The following PPP3CA variants were observed in gnomAD, a reference collection of about 807,000 sequenced individuals.
PPP3CA encodes CAM-PRP catalytic subunit.
Under a neutral mutation model 66.5 loss-of-function variants are expected in PPP3CA, and 14 were observed. That is an observed-to-expected ratio of 0.21 (90% CI 0.14 to 0.33). The LOEUF is 0.33. Among genes scored for constraint, PPP3CA ranks in the 10% least tolerant of loss-of-function variants. The pLI, the probability that PPP3CA is intolerant of heterozygous loss-of-function variation, is 1.00. For synonymous variants in PPP3CA, 232 were observed against 226.2 expected, an observed-to-expected ratio of 1.03 and a Z score of -0.23; for missense variants, 317 against 639.5, an observed-to-expected ratio of 0.50 and a Z score of 5.44.
chr4:101,063,148 G>T (rs1232437745), intron 9 of PPP3CA, 84 bp downstream of exon 9: 1 of 1,476,796 alleles, frequency 6.8e-7, no homozygotes, highest in African/African-American at 1.4e-5. Context: ...CTGGGCCAAA[G>T]TTCTTCTCTT....
intron 1 of PPP3CA, among the ~76,000 whole-genome samples, chr4:101,207,925 T>C (rs2110202068): frequency 6.6e-6 from 1 of 152,228 alleles, no homozygotes. Context: ...ATTCCCATGA[T>C]ATATGACTTT....
intron 8 of PPP3CA, among the ~76,000 whole-genome samples, chr4:101,077,006 A>ATC (rs1487168178): frequency 2.0e-5 from 3 of 152,204 alleles, no homozygotes; most frequent in Non-Finnish European, 4.4e-5. Flanking sequence ...TTGCTATGGC[A>ATC]TCTTGCAGAG....
chr4:101,207,109 T>C (rs1725154839), intron 1 of PPP3CA, among the ~76,000 whole-genome samples: 1 of 152,122 alleles, frequency 6.6e-6, no homozygotes, highest in African/African-American at 2.4e-5. Flanking sequence ...GAATGCAGGG[T>C]CACAAATAAA....
At chr4:101,341,169 A>T (rs944838664) in intron 1 of PPP3CA, among the ~76,000 whole-genome samples, 11 of 151,340 alleles carry the variant, frequency 7.3e-5, no homozygotes, top group Admixed American at 1.3e-4. Context: ...GATATCTTAA[A>T]TATACCAAAA....
chr4:101,144,889 G>A (rs1007811926), intron 2 of PPP3CA, among the ~76,000 whole-genome samples: 8 of 152,088 alleles, frequency 5.3e-5, no homozygotes, highest in African/African-American at 1.9e-4. Context: ...TTTAGGCAGT[G>A]CTTTTGTAAA....
At chr4:101,172,430 A>T (rs1723914703) in intron 2 of PPP3CA, among the ~76,000 whole-genome samples, 1 of 152,176 alleles carries the variant, frequency 6.6e-6, no homozygotes, top group Non-Finnish European at 1.5e-5. Context: ...GTGCTACATT[A>T]ATTACCAAAT....
At chr4:101,325,920 C>T (rs1729192751) in intron 1 of PPP3CA, among the ~76,000 whole-genome samples, 1 of 152,146 alleles carries the variant, frequency 6.6e-6, no homozygotes, top group African/African-American at 2.4e-5. Flanking sequence ...AGGCGGATCA[C>T]TTGAGGTCAG....
chr4:101,106,274 C>G (rs1256873591), intron 3 of PPP3CA, among the ~76,000 whole-genome samples: 1 of 151,210 alleles, frequency 6.6e-6, no homozygotes, highest in African/African-American at 2.4e-5. Flanking sequence ...TGAGCTATGA[C>G]TGTGCCACTG....
chr4:101,193,915 A>G (rs527590935), intron 2 of PPP3CA, among the ~76,000 whole-genome samples: 1 of 152,328 alleles, frequency 6.6e-6, no homozygotes, highest in South Asian at 2.1e-4. Flanking sequence ...AACATCTGAG[A>G]CTGAAACATT....
intron 1 of PPP3CA, among the ~76,000 whole-genome samples, chr4:101,337,900 G>T (rs1729687054): frequency 6.6e-6 from 1 of 152,204 alleles, no homozygotes; most frequent in African/African-American, 2.4e-5. Context: ...CAGGAGAGGT[G>T]ACTCATGAGC....
chr4:101,192,051 A>G (rs1724622362), intron 2 of PPP3CA, among the ~76,000 whole-genome samples: 3 of 152,300 alleles, frequency 2.0e-5, no homozygotes, highest in African/African-American at 7.2e-5. Context: ...TTGCATTACA[A>G]ATGAGTGGAA....
At chr4:101,134,779 C>T (rs1363581426) in intron 2 of PPP3CA, among the ~76,000 whole-genome samples, 1 of 152,102 alleles carries the variant, frequency 6.6e-6, no homozygotes, top group African/African-American at 2.4e-5. Flanking sequence ...CACATGCACA[C>T]GTATGTTTAT....
At chr4:101,336,111 A>T (rs770921560) in intron 1 of PPP3CA, among the ~76,000 whole-genome samples, 2 of 151,840 alleles carry the variant, frequency 1.3e-5, no homozygotes, top group Non-Finnish European at 2.9e-5. Flanking sequence ...GCTACTTGGG[A>T]GGCTGAGGTG....
intron 13 of PPP3CA, among the ~76,000 whole-genome samples, chr4:101,027,321 A>C (rs1726703153): frequency 6.6e-6 from 1 of 152,088 alleles, no homozygotes; most frequent in African/African-American, 2.4e-5. Context: ...TCCTACACAA[A>C]TGTGCAGTGC....
intron 1 of PPP3CA, among the ~76,000 whole-genome samples, chr4:101,229,622 A>G (rs1167291279): frequency 6.7e-6 from 1 of 148,950 alleles, no homozygotes; most frequent in Non-Finnish European, 1.5e-5. Context: ...GTATTGGGTG[A>G]AAAAAAAAAT....
chr4:101,209,833 A>G (rs1398975850), intron 1 of PPP3CA, among the ~76,000 whole-genome samples: 1 of 152,178 alleles, frequency 6.6e-6, no homozygotes, highest in Non-Finnish European at 1.5e-5. Flanking sequence ...TTTGTTAGTG[A>G]CTGATGAACA....
intron 6 of PPP3CA, among the ~76,000 whole-genome samples, chr4:101,092,885 T>G (rs1359865379): frequency 2.0e-5 from 3 of 152,206 alleles, no homozygotes; most frequent in Non-Finnish European, 2.9e-5. Flanking sequence ...GTTCCAAGTC[T>G]TTGCTATTGT....
chr4:101,153,135 G>A (rs949854272), intron 2 of PPP3CA, among the ~76,000 whole-genome samples: 3 of 152,114 alleles, frequency 2.0e-5, no homozygotes, highest in African/African-American at 4.8e-5. Context: ...GTGGTAGGAC[G>A]GTAAAGTGTT....
intron 1 of PPP3CA, among the ~76,000 whole-genome samples, chr4:101,212,612 A>C (rs1725331459): frequency 6.6e-6 from 1 of 152,068 alleles, no homozygotes. Context: ...TGTACCCCTA[A>C]ATTTAAAAGT....
Sources: gnomAD v4.1 joint callset for allele counts (sites outside exome capture counted in the v4.1 genomes callset) on GRCh38, gnomAD v4.1.1 for gene constraint, MANE v1.5 for transcripts, NCBI Gene and HGNC (gene_info 2026-07-23, HGNC 2026-07-21) for gene names.